The following CDHR2 variants were observed in gnomAD, a reference collection of about 807,000 sequenced individuals.
CDHR2 encodes cadherin related family member 2.
CDHR2 carries 104 observed loss-of-function variants against 138.6 expected under a neutral mutation model. That is an observed-to-expected ratio of 0.75 (90% CI 0.64 to 0.88). The LOEUF (loss-of-function observed/expected upper bound fraction) is 0.88, where lower values mean the gene tolerates loss of function less well. Ranked by LOEUF, CDHR2 falls within the 40% of genes least tolerant of loss-of-function variation. The pLI, the probability that CDHR2 is intolerant of heterozygous loss-of-function variation, is 0.00. For synonymous variants in CDHR2, 755 were observed against 742.8 expected (o/e 1.02, Z -0.27); for missense variants, 1,624 against 1,727.6 (o/e 0.94, Z 1.06).
chr5:176,578,122 A>C, intron 15 of CDHR2, 27 bp downstream of exon 15: 1 of 1,599,132 alleles, frequency 6.3e-7, no homozygotes. Flanking sequence ...GGCCGTAGGC[A>C]GGTGGGTGAG....
chr5:176,595,879 A>C (rs1004989497), downstream of CDHR2: 4 of 468,276 alleles, frequency 8.5e-6, no homozygotes, highest in African/African-American at 2.0e-5. Flanking sequence ...TGGGGACGGG[A>C]CACTGAGTGG....
At chr5:176,575,008 C>T in intron 7 of CDHR2, 76 bp from the exon 8 acceptor site, 1 of 1,573,834 alleles carries the variant, frequency 6.4e-7, no homozygotes, top group South Asian at 1.1e-5. Context: ...CTGGGACCTT[C>T]CCTGCGTTGC....
upstream of CDHR2, among the ~76,000 whole-genome samples, chr5:176,546,094 C>T (rs1757579069): frequency 6.6e-6 from 1 of 152,158 alleles, no homozygotes; most frequent in African/African-American, 2.4e-5. Flanking sequence ...TGAGGCAGAG[C>T]GGGGAGCCTG....
chr5:176,575,913 A>C lies in CDHR2; in HGVS notation c.961-39A>C, dbSNP rs1305558034. ...TGGCCTTTGATCTCTCTCTCTGAGCACTGGCTCTCTGCCCTCTGCCCTCTG... is the reference window on the plus strand; with the variant it reads ...TGGCCTTTGATCTCTCTCTCTGAGCCCTGGCTCTCTGCCCTCTGCCCTCTG... On this transcript the variant is annotated intron_variant, in intron 11 of 31. Transcript: ENST00000261944. The C allele has an allele frequency of 1.9e-6, 3 of 1,585,304 alleles. No homozygotes were observed. The African/African-American group carries it at 4.1e-5, about 21-fold the overall frequency.
intron 5 of CDHR2, among the ~76,000 whole-genome samples, chr5:176,569,295 T>G (rs1758165112): frequency 6.6e-6 from 1 of 150,784 alleles, no homozygotes; most frequent in African/African-American, 2.4e-5. Context: ...ATGTTTTTTT[T>G]TTTTTTGAGA....
intron 3 of CDHR2, 29 bp downstream of exon 3, chr5:176,565,772 T>C (rs770358640): frequency 1.3e-6 from 2 of 1,587,980 alleles, no homozygotes; most frequent in Admixed American, 1.7e-5. Flanking sequence ...GTCTGCCCCA[T>C]GTCAGGTCCT....
At chr5:176,564,691 C>T (rs1306157466) in intron 1 of CDHR2, among the ~76,000 whole-genome samples, 1 of 152,080 alleles carries the variant, frequency 6.6e-6, no homozygotes, top group African/African-American at 2.4e-5. Flanking sequence ...TCCCTAGACC[C>T]ACCTGACTGG....
At chr5:176,548,602 G>A (rs1372160133), upstream of CDHR2, among the ~76,000 whole-genome samples, 1 of 152,154 alleles carries the variant, frequency 6.6e-6, no homozygotes, top group Non-Finnish European at 1.5e-5. Context: ...AATTAGCCGG[G>A]TGTGGAGGCC....
intron 30 of CDHR2, 126 bp from the exon 31 acceptor site, chr5:176,592,597 G>T: frequency 1.3e-6 from 1 of 747,980 alleles, no homozygotes; most frequent in Non-Finnish European, 2.4e-6. Context: ...TGATGGTGGT[G>T]GTGGTGATGG....
chr5:176,561,315 T>C (rs1757963336), intron 1 of CDHR2, among the ~76,000 whole-genome samples: 1 of 152,156 alleles, frequency 6.6e-6, no homozygotes, highest in African/African-American at 2.4e-5. Flanking sequence ...CACTCTGCTC[T>C]ATCTCATGGG....
chr5:176,591,749 T>A (rs2113333652), intron 30 of CDHR2: 1 of 172,912 alleles, frequency 5.8e-6, no homozygotes, highest in South Asian at 4.4e-5. Context: ...ATGGTGATGG[T>A]GGTGATGATG....
intron 19 of CDHR2, among the ~76,000 whole-genome samples, chr5:176,585,718 G>C (rs1037930503): frequency 2.6e-5 from 4 of 152,288 alleles, no homozygotes; most frequent in Middle Eastern, 3.4e-3. Flanking sequence ...GGCATTCTGG[G>C]TCAGGAGCAG....
At chr5:176,551,999 C>T (rs569047970) in intron 1 of CDHR2, among the ~76,000 whole-genome samples, 8 of 152,254 alleles carry the variant, frequency 5.3e-5, no homozygotes, top group South Asian at 4.1e-4. Flanking sequence ...CGTGAGTCAC[C>T]GCGCCCGGTT....
In CDHR2 at chr5:176,588,476, T is replaced by A. The variant is rs574876041; in HGVS notation, c.2857-555T>A. Reference sequence around the variant, plus strand: ...GAGAGGGTGTGTGAGTGTATGTGAGTGTGAGAGGATAAGTGTGTGAGGGTG... The same window carrying A: ...GAGAGGGTGTGTGAGTGTATGTGAGAGTGAGAGGATAAGTGTGTGAGGGTG... On this transcript the variant is annotated intron_variant, in intron 21 of 31. Coordinates refer to ENST00000261944, the MANE Select transcript of CDHR2 (RefSeq NM_017675.6). 6.7e-5 allele frequency among the ~76,000 whole-genome samples: 9 copies of A among 133,482 alleles called. No homozygotes were observed. The South Asian group carries it at 9.6e-4, about 14-fold the overall frequency. 87.6% of individuals were successfully genotyped at this position (133,482 alleles called of 152,430 possible).
intron 21 of CDHR2, 134 bp from the exon 22 acceptor site, chr5:176,588,897 C>G: frequency 1.2e-6 from 1 of 853,448 alleles, no homozygotes. Context: ...TTTGCTTATT[C>G]GGGGCAGCGT....
intron 1 of CDHR2, among the ~76,000 whole-genome samples, chr5:176,550,041 G>T (rs1412338209): frequency 6.6e-6 from 1 of 152,162 alleles, no homozygotes; most frequent in African/African-American, 2.4e-5. Context: ...ACATCTCTCT[G>T]CCCTGGTAGA....
Position 176,553,728 on chromosome 5 carries a change from A to G in CDHR2, c.-16+4314A>G, listed in dbSNP as rs1478458543. Among the ~76,000 whole-genome samples the G allele has an allele frequency of 7.1e-6, 1 of 141,118 alleles. No homozygotes were observed. Among genetic ancestry groups the G allele is most frequent in the Non-Finnish European group, 1.6e-5 (1 of 64,304 alleles). 92.6% of individuals were successfully genotyped at this position (141,118 alleles called of 152,430 possible). A position where few individuals can be genotyped will look rare whatever the true frequency, so the allele number is the denominator to read the frequency against. Reference sequence around the variant, plus strand: ...CTGCGTCTCCACCGCCAGCCCCGCCACCACCACCATCTCCCTCCCCCAACT... The same window carrying G: ...CTGCGTCTCCACCGCCAGCCCCGCCGCCACCACCATCTCCCTCCCCCAACT... On this transcript the variant is annotated intron_variant, in intron 1 of 31. Coordinates refer to ENST00000261944, the MANE Select transcript of CDHR2 (RefSeq NM_017675.6). The surrounding 1 kb of genome is among the most constrained non-coding windows in gnomAD (Gnocchi z 4.3).
At chr5:176,545,458 TA>T (rs776316303), upstream of CDHR2, among the ~76,000 whole-genome samples, 3 of 152,208 alleles carry the variant, frequency 2.0e-5, no homozygotes, top group Non-Finnish European at 2.9e-5. Flanking sequence ...TTTTTCTGAT[TA>T]AAAAAAATTT....
At chr5:176,568,543 T>C (rs886751111) in intron 3 of CDHR2, 135 bp from the exon 4 acceptor site, 1 of 891,310 alleles carries the variant, frequency 1.1e-6, no homozygotes, top group Non-Finnish European at 1.7e-6. Flanking sequence ...GGCTGATGGT[T>C]GGGGAGGTCC....
Sources: allele counts gnomAD v4.1 joint callset (sites outside exome capture counted in the v4.1 genomes callset), GRCh38; gene constraint gnomAD v4.1.1; non-coding constraint Gnocchi (gnomAD v3.1); transcripts MANE v1.5; gene names NCBI Gene and HGNC (gene_info 2026-07-23, HGNC 2026-07-21).